The following NEK5 variants were observed in gnomAD, a reference collection of about 807,000 sequenced individuals.
NEK5 encodes serine/threonine-protein kinase Nek5.
Under a neutral mutation model 109.2 loss-of-function variants are expected in NEK5, and 88 were observed. The observed-to-expected ratio is 0.81, with a 90% confidence interval of 0.68 to 0.96. The LOEUF (loss-of-function observed/expected upper bound fraction) is 0.96, where lower values mean the gene tolerates loss of function less well. Among genes scored for constraint, NEK5 ranks in the 40% least tolerant of loss-of-function variants. The probability of loss-of-function intolerance (pLI) is 0.00; values close to 1 mark genes in which losing one functional copy is unlikely to be tolerated. For synonymous variants in NEK5, 283 were observed against 299.9 expected (o/e 0.94, Z 0.58); for missense variants, 834 against 920.7 (o/e 0.91, Z 1.22).
Position 52,099,782 on chromosome 13 carries a change from A to G in NEK5, c.987T>C (p.Asn329=), listed in dbSNP as rs1955492669. The stretch of plus-strand genomic sequence containing the variant: ...GGGCTCCAGCTGGTGGTCTCCATTC[A>G]TTTCTATGCAATATAGCATTCCTTT... ...PIKRNAILHR[N]EWRPPAGAQK... The change falls in exon 12 of 24, where the codon AAT becomes AAC. Residue 329 remains asparagine, a synonymous_variant. Coordinates refer to ENST00000684899, the MANE Select transcript of NEK5 (RefSeq NM_001365552.1). The G allele has an allele frequency of 6.2e-7, 1 of 1,613,920 alleles. No individual in the cohort carries two copies. The highest frequency in any genetic ancestry group is 8.5e-7 in the Non-Finnish European group (1 of 1,179,818).
At chr13:52,059,017 AC>A (rs1386740643) in intron 22 of NEK5, among the ~76,000 whole-genome samples, 4 of 123,128 alleles carry the variant, frequency 3.2e-5, no homozygotes, top group African/African-American at 1.2e-4. Context: ...TGAACAGGCA[AC>A]CTACAAAATG....
chr13:52,079,998 G>A (rs1380785053), intron 17 of NEK5, among the ~76,000 whole-genome samples: 1 of 103,674 alleles, frequency 9.6e-6, no homozygotes, highest in Admixed American at 1.0e-4. Context: ...CGCCCCATCT[G>A]AGAAGCGAGG....
At chr13:52,110,458 A>T in intron 6 of NEK5, 36 bp downstream of exon 6, 1 of 1,596,992 alleles carries the variant, frequency 6.3e-7, no homozygotes, top group Non-Finnish European at 8.6e-7. Flanking sequence ...TCAAGAAAAG[A>T]TCAGTTCTGT....
At chr13:52,080,057 C>T (rs532515995) in intron 17 of NEK5, among the ~76,000 whole-genome samples, 11 of 151,138 alleles carry the variant, frequency 7.3e-5, no homozygotes, top group African/African-American at 2.7e-4. Context: ...GGAGCCCCTC[C>T]GCCCGGCAGC....
chr13:52,065,407 TCA>T (rs1954670249), intron 21 of NEK5, 75 bp downstream of exon 21: 1 of 1,600,012 alleles, frequency 6.2e-7, no homozygotes, highest in Non-Finnish European at 8.6e-7. Context: ...AAGTAGACTA[TCA>T]CATCAGGATG....
intron 18 of NEK5, 56 bp downstream of exon 18, chr13:52,076,007 G>A: frequency 8.8e-7 from 1 of 1,141,900 alleles, no homozygotes; most frequent in East Asian, 2.4e-5. Flanking sequence ...GAGATCACAA[G>A]GTGGCTCCCC....
chr13:52,093,914 T>TA (rs1386895828), intron 12 of NEK5, among the ~76,000 whole-genome samples: 1 of 152,158 alleles, frequency 6.6e-6, no homozygotes, highest in Non-Finnish European at 1.5e-5. Flanking sequence ...TACAGGGAAA[T>TA]AAAAAGCATA....
intron 21 of NEK5, among the ~76,000 whole-genome samples, chr13:52,063,335 G>A (rs561367977): frequency 2.7e-4 from 41 of 152,328 alleles, no homozygotes; most frequent in Non-Finnish European, 5.3e-4. Context: ...TCGGCCTCCC[G>A]AGGTGCCGGG....
intron 3 of NEK5, among the ~76,000 whole-genome samples, chr13:52,121,463 G>T (rs1392741922): frequency 6.6e-6 from 1 of 152,060 alleles, no homozygotes; most frequent in African/African-American, 2.4e-5. Context: ...TCCTATTTTT[G>T]ACTAATTCTT....
rs1024731341 is a variant in NEK5 at position 52,050,247 on chromosome 13, G to A, written c.2111-26C>T. On this transcript the variant is annotated intron_variant, in intron 22 of 23. Transcript: ENST00000684899. Reference sequence around the variant, plus strand: ...CTAAAGAAATGACAGAGAAAGATATGAAAGCATCCCAGCCTATATACCCAA... The same window carrying A: ...CTAAAGAAATGACAGAGAAAGATATAAAAGCATCCCAGCCTATATACCCAA... 15 of 898,708 alleles carry A rather than the reference G, an allele frequency of 1.7e-5. No homozygotes were observed. The African/African-American group carries it at 2.5e-4, about 15-fold the overall frequency. The allele number at this position is 898,708 out of a possible 1,614,324, so 55.7% of individuals were successfully genotyped here.
intron 3 of NEK5, among the ~76,000 whole-genome samples, chr13:52,126,279 A>G (rs565462531): frequency 6.6e-6 from 1 of 152,342 alleles, no homozygotes; most frequent in East Asian, 1.9e-4. Context: ...AAAAATTATT[A>G]ATTTTTAATT....
intron 23 of NEK5, among the ~76,000 whole-genome samples, chr13:52,041,728 C>CAA (rs60216367): frequency 0.03 from 1,442 of 47,718 alleles, 113 homozygotes; most frequent in South Asian, 0.034. Context: ...AACTCTGTCT[C>CAA]AAAAAAAAAA....
At chr13:52,127,891 T>C (rs1335077654) in intron 1 of NEK5, among the ~76,000 whole-genome samples, 1 of 152,228 alleles carries the variant, frequency 6.6e-6, no homozygotes, top group East Asian at 1.9e-4. Flanking sequence ...TGTGCACTTT[T>C]ATAGTTCAGC....
At chr13:52,126,890 A>G (rs1956073266) in intron 3 of NEK5, among the ~76,000 whole-genome samples, 1 of 152,154 alleles carries the variant, frequency 6.6e-6, no homozygotes, top group South Asian at 2.1e-4. Context: ...GTTTGCAGAA[A>G]ACCCCTCGTA....
At chr13:52,106,674 C>A (rs1321765736) in intron 8 of NEK5, among the ~76,000 whole-genome samples, 1 of 151,142 alleles carries the variant, frequency 6.6e-6, no homozygotes. Flanking sequence ...GACTGAGGCA[C>A]GAGAATTGCT....
At chr13:52,127,176 G>A (rs1956079827) in intron 3 of NEK5, among the ~76,000 whole-genome samples, 190 bp downstream of exon 3, 2 of 152,298 alleles carry the variant, frequency 1.3e-5, no homozygotes, top group South Asian at 2.1e-4. Flanking sequence ...GAGCCAGTGC[G>A]TCCAGCCTCT....
At chr13:52,096,851 C>T (rs2137967814) in intron 12 of NEK5, among the ~76,000 whole-genome samples, 1 of 152,290 alleles carries the variant, frequency 6.6e-6, no homozygotes, top group South Asian at 2.1e-4. Context: ...GAAGGCATTT[C>T]AGAGACCTTT....
At chr13:52,123,177 C>T (rs1353982956) in intron 3 of NEK5, among the ~76,000 whole-genome samples, 3 of 152,044 alleles carry the variant, frequency 2.0e-5, no homozygotes, top group Admixed American at 1.3e-4. Flanking sequence ...TGAAAAACTA[C>T]ATGAGAGTAG....
chr13:52,104,486 G>A lies in NEK5; in HGVS notation c.609+12C>T. The A allele has an allele frequency of 2.6e-6, 4 of 1,559,752 alleles. No individual in the cohort carries two copies. Among genetic ancestry groups the A allele is most frequent in the African/African-American group, 1.4e-5 (1 of 73,904 alleles). On this transcript the variant is annotated intron_variant, in intron 9 of 23. Transcript: ENST00000684899. ...AATAATTCAAGATTAGTCTGACAAT[G>A]AGCATACTTACAGGATGTTTAAGTG...
Sources: allele counts gnomAD v4.1 joint callset (sites outside exome capture counted in the v4.1 genomes callset), GRCh38; gene constraint gnomAD v4.1.1; transcripts MANE v1.5; gene names NCBI Gene and HGNC (gene_info 2026-07-23, HGNC 2026-07-21).